The following NUBPL variants were observed in gnomAD, a reference collection of about 807,000 sequenced individuals.
NUBPL encodes NUBP iron-sulfur cluster assembly factor, mitochondrial.
Under a neutral mutation model 45.7 loss-of-function variants are expected in NUBPL, and 31 were observed. The observed-to-expected ratio is 0.68, with a 90% CI of 0.51 to 0.92. The LOEUF is 0.92. Among genes scored for constraint, NUBPL ranks in the 40% least tolerant of loss-of-function variants. The pLI is 0.00. For synonymous variants in NUBPL, 144 were observed against 140.9 expected, an observed-to-expected ratio of 1.02 and a Z score of -0.15; for missense variants, 401 against 398.7, an observed-to-expected ratio of 1.01 and a Z score of -0.05.
chr14:31,735,728 T>G (rs1393209958), intron 6 of NUBPL, among the ~76,000 whole-genome samples: 4 of 152,118 alleles, frequency 2.6e-5, no homozygotes, highest in Admixed American at 6.5e-5. Flanking sequence ...CGCGCATGCC[T>G]GTAATCCCAG....
At chr14:31,847,362 A>G (rs1212418168) in intron 9 of NUBPL, among the ~76,000 whole-genome samples, 2 of 152,162 alleles carry the variant, frequency 1.3e-5, no homozygotes, top group East Asian at 1.9e-4. Flanking sequence ...GAATGGCAGT[A>G]TTTACTGTTT....
intron 7 of NUBPL, among the ~76,000 whole-genome samples, chr14:31,788,090 G>T (rs570446414): frequency 6.4e-4 from 98 of 152,330 alleles, no homozygotes; most frequent in Admixed American, 2.6e-3. Flanking sequence ...GAAGAGTGAA[G>T]TCTGTGGTTC....
Position 31,673,350 on chromosome 14 carries a change from TCCA to T in NUBPL, c.383-4_383-2del. ...TCTAAAAGAGAGGATTTTTTTTTTTTCCAGGCAACCTAATGAGGCCTCTCTTGA... is the reference window on the plus strand; with the variant it reads ...TCTAAAAGAGAGGATTTTTTTTTTTTGGCAACCTAATGAGGCCTCTCTTGA... On this transcript the variant is annotated splice_acceptor_variant and splice_polypyrimidine_tract_variant and intron_variant, in intron 4 of 10. Coordinates refer to ENST00000281081, the MANE Select transcript of NUBPL (RefSeq NM_025152.3). LOFTEE classifies it high-confidence loss of function. 6.3e-7 allele frequency: 1 copy of T among 1,599,936 alleles called. No individual in the cohort carries two copies.
At chr14:31,782,042 A>G (rs1467464106) in intron 6 of NUBPL, among the ~76,000 whole-genome samples, 4 of 152,260 alleles carry the variant, frequency 2.6e-5, no homozygotes, top group African/African-American at 9.6e-5. Context: ...CAAATTTGAC[A>G]AAATAATTTT....
At chr14:31,648,449 A>G (rs1311250427) in intron 4 of NUBPL, among the ~76,000 whole-genome samples, 1 of 152,186 alleles carries the variant, frequency 6.6e-6, no homozygotes, top group African/African-American at 2.4e-5. Flanking sequence ...ATATCTTGGT[A>G]AGCATACTAC....
At chr14:31,856,216 A>G (rs979513900) in intron 10 of NUBPL, among the ~76,000 whole-genome samples, 1 of 152,166 alleles carries the variant, frequency 6.6e-6, no homozygotes, top group African/African-American at 2.4e-5. Context: ...CGGCAGGCAA[A>G]AAGAGAGCTT....
intron 7 of NUBPL, among the ~76,000 whole-genome samples, chr14:31,802,407 C>T (rs2039609064): frequency 6.6e-6 from 1 of 152,026 alleles, no homozygotes; most frequent in African/African-American, 2.4e-5. Flanking sequence ...TCCTGAGTAG[C>T]TGGGACTACA....
At chr14:31,766,586 A>G (rs1442530828) in intron 6 of NUBPL, among the ~76,000 whole-genome samples, 1 of 152,216 alleles carries the variant, frequency 6.6e-6, no homozygotes, top group East Asian at 1.9e-4. Flanking sequence ...CCCATTTACT[A>G]TAAACAACTG....
At chr14:31,600,414 A>C (rs1238366663) in intron 4 of NUBPL, among the ~76,000 whole-genome samples, 1 of 152,128 alleles carries the variant, frequency 6.6e-6, no homozygotes, top group African/African-American at 2.4e-5. Context: ...GGGACCATAC[A>C]GACACGCCAG....
chr14:31,818,105 A>G (rs35746551), intron 7 of NUBPL, among the ~76,000 whole-genome samples: 43,847 of 152,146 alleles, frequency 0.29, 7,650 homozygotes, highest in South Asian at 0.42. Context: ...GATCAATGCA[A>G]CAAGAAGAGC....
At chr14:31,686,627 G>A (rs906689981) in intron 6 of NUBPL, 4 of 152,178 alleles carry the variant, frequency 2.6e-5, no homozygotes, top group Admixed American at 6.5e-5. Context: ...CATCAGACAC[G>A]CAATGAATAA....
At chr14:31,641,604 C>T (rs1367949432) in intron 4 of NUBPL, among the ~76,000 whole-genome samples, 2 of 151,988 alleles carry the variant, frequency 1.3e-5, no homozygotes, top group African/African-American at 4.8e-5. Flanking sequence ...AGGTTTATTC[C>T]ATATTTTAGG....
chr14:31,634,239 A>AC (rs1397860400), intron 4 of NUBPL, among the ~76,000 whole-genome samples: 1 of 39,088 alleles, frequency 2.6e-5, no homozygotes, highest in Non-Finnish European at 4.5e-5. Flanking sequence ...CCCTCCCCCC[A>AC]CCCCCCACCC....
At chr14:31,587,064 C>G (rs1420118547) in intron 3 of NUBPL, among the ~76,000 whole-genome samples, 2 of 152,152 alleles carry the variant, frequency 1.3e-5, no homozygotes, top group African/African-American at 2.4e-5. Context: ...AAATGCTACT[C>G]TTAGGACTGG....
At position 31,732,064 on chromosome 14, in the gene NUBPL, T is replaced by A. The variant is rs560614069; in HGVS notation, c.514-55716T>A. 1.8e-4 allele frequency among the ~76,000 whole-genome samples: 27 copies of A among 151,644 alleles called. No homozygotes were observed. In the East Asian group the frequency reaches 4.7e-3, roughly 26 times the overall value. ...AAAAATACAAAAAAGCCGGGCATGGTGTGCCTGTAATCGCAGCTACTTGGG... is the reference window on the plus strand; with the variant it reads ...AAAAATACAAAAAAGCCGGGCATGGAGTGCCTGTAATCGCAGCTACTTGGG... On this transcript the variant is annotated intron_variant, in intron 6 of 10. Coordinates refer to ENST00000281081, the MANE Select transcript of NUBPL (RefSeq NM_025152.3).
chr14:31,664,249 T>C (rs1480300548), intron 4 of NUBPL, among the ~76,000 whole-genome samples: 2 of 152,186 alleles, frequency 1.3e-5, no homozygotes. Flanking sequence ...TTGATTGCCG[T>C]GGCCAGAACT....
At chr14:31,596,158 G>A (rs2034278040) in intron 3 of NUBPL, among the ~76,000 whole-genome samples, 1 of 151,926 alleles carries the variant, frequency 6.6e-6, no homozygotes, top group African/African-American at 2.4e-5. Flanking sequence ...CGCCCACTTT[G>A]GCCCAAAGTG....
At chr14:31,724,793 A>G (rs1309778404) in intron 6 of NUBPL, among the ~76,000 whole-genome samples, 1 of 152,218 alleles carries the variant, frequency 6.6e-6, no homozygotes, top group Non-Finnish European at 1.5e-5. Flanking sequence ...CAGATAAATG[A>G]AAACCGTATA....
chr14:31,598,347 G>A (rs74040879), intron 3 of NUBPL, among the ~76,000 whole-genome samples: 5,700 of 152,146 alleles, frequency 0.037, 250 homozygotes, highest in African/African-American at 0.11. Context: ...AAAAAATTTT[G>A]TCGAGGGGTT....
Sources: gnomAD v4.1 joint callset for allele counts (sites outside exome capture counted in the v4.1 genomes callset) on GRCh38, gnomAD v4.1.1 for gene constraint, MANE v1.5 for transcripts, NCBI Gene and HGNC (gene_info 2026-07-23, HGNC 2026-07-21) for gene names.